The following SLC9A9 variants were observed in gnomAD, a reference collection of about 807,000 sequenced individuals.
The protein encoded by SLC9A9 is solute carrier family 9 member A9.
Under a neutral mutation model 77.8 loss-of-function variants are expected in SLC9A9, and 62 were observed. The observed-to-expected ratio is 0.80, with a 90% CI of 0.65 to 0.98. The LOEUF (loss-of-function observed/expected upper bound fraction) is 0.98. Ranked by LOEUF, SLC9A9 falls within the 50% of genes least tolerant of loss-of-function variation. The probability of loss-of-function intolerance (pLI) is 0.00; values close to 1 mark genes in which losing one functional copy is unlikely to be tolerated. For missense variants in SLC9A9, 775 were observed against 774.9 expected (o/e 1.00, Z 0.00); for synonymous variants, 320 against 283.5 (o/e 1.13, Z -1.29).
intron 4 of SLC9A9, among the ~76,000 whole-genome samples, chr3:143,725,413 T>G (rs374753298): frequency 2.1e-4 from 32 of 152,006 alleles, no homozygotes; most frequent in East Asian, 7.8e-4. Flanking sequence ...TATAAATCAT[T>G]CTGCTATAAA....
intron 2 of SLC9A9, among the ~76,000 whole-genome samples, chr3:143,816,039 C>T (rs1439428920): frequency 6.6e-6 from 1 of 152,150 alleles, no homozygotes; most frequent in Non-Finnish European, 1.5e-5. Flanking sequence ...CTTGACTTCA[C>T]CTCAAACAAG....
chr3:143,839,381 C>T (rs1361678066), intron 1 of SLC9A9, among the ~76,000 whole-genome samples: 1 of 152,124 alleles, frequency 6.6e-6, no homozygotes, highest in African/African-American at 2.4e-5. Context: ...CAAAGTTTCC[C>T]TCTTCTCACA....
At chr3:143,413,486 G>C (rs1307843649) in intron 12 of SLC9A9, among the ~76,000 whole-genome samples, 3 of 152,182 alleles carry the variant, frequency 2.0e-5, no homozygotes, top group East Asian at 1.9e-4. Flanking sequence ...TGGAAATGGT[G>C]GTGGGGCAGT....
intron 13 of SLC9A9, among the ~76,000 whole-genome samples, chr3:143,364,670 A>G (rs139376926): frequency 0.016 from 2,416 of 152,312 alleles, 31 homozygotes; most frequent in South Asian, 0.076. Context: ...GTGTACCAGT[A>G]GATGCTTCCG....
At chr3:143,305,382 G>A (rs1252340486) in intron 14 of SLC9A9, among the ~76,000 whole-genome samples, 2 of 152,136 alleles carry the variant, frequency 1.3e-5, no homozygotes, top group African/African-American at 4.8e-5. Flanking sequence ...AGTGATAGAA[G>A]GTAGATGATA....
intron 3 of SLC9A9, among the ~76,000 whole-genome samples, chr3:143,796,358 T>C (rs2008385039): frequency 6.6e-6 from 1 of 152,200 alleles, no homozygotes; most frequent in Non-Finnish European, 1.5e-5. Context: ...AATAGAAATA[T>C]AATGCAAGCC....
chr3:143,383,058 T>G (rs1273030854), intron 12 of SLC9A9, among the ~76,000 whole-genome samples: 1 of 152,252 alleles, frequency 6.6e-6, no homozygotes, highest in African/African-American at 2.4e-5. Context: ...CAATGCACAG[T>G]GTACTTATCA....
intron 9 of SLC9A9, among the ~76,000 whole-genome samples, chr3:143,522,782 G>A (rs1257968043): frequency 3.3e-5 from 5 of 152,012 alleles, no homozygotes; most frequent in African/African-American, 7.2e-5. Context: ...ACCTCATGCC[G>A]TTATAATCAG....
intron 4 of SLC9A9, among the ~76,000 whole-genome samples, chr3:143,720,689 C>G (rs927796139): frequency 2.0e-5 from 3 of 152,204 alleles, no homozygotes; most frequent in African/African-American, 7.2e-5. Flanking sequence ...CCAGCAATCT[C>G]TCTCAGCTGC....
In SLC9A9 at chr3:143,818,486, C is replaced by T. The variant is rs569512822; in HGVS notation, c.378+13533G>A. ...CACGCCCAGCTGATTTTTGTATTTT[C>T]AGTAGAGACTGGGTTTCACCATGTT... On this transcript the variant is annotated intron_variant, in intron 2 of 15. Transcript: ENST00000316549. 4.7e-3 allele frequency among the ~76,000 whole-genome samples: 714 copies of T among 151,996 alleles called. 9 individuals carry two copies. Among genetic ancestry groups the T allele is most frequent in the Non-Finnish European group, 2.8e-3 (191 of 67,974 alleles).
At chr3:143,696,089 T>G (rs1260598493) in intron 4 of SLC9A9, among the ~76,000 whole-genome samples, 2 of 152,232 alleles carry the variant, frequency 1.3e-5, no homozygotes. Flanking sequence ...TCTCCCATTC[T>G]GTAGGTTGCC....
intron 13 of SLC9A9, among the ~76,000 whole-genome samples, chr3:143,374,240 A>G (rs1043521000): frequency 2.0e-5 from 3 of 152,016 alleles, no homozygotes; most frequent in Admixed American, 2.0e-4. Flanking sequence ...CCTGGCTAAC[A>G]TGGTGAAACC....
intron 5 of SLC9A9, among the ~76,000 whole-genome samples, chr3:143,663,549 G>A (rs542576001): frequency 2.0e-5 from 3 of 152,236 alleles, no homozygotes; most frequent in Non-Finnish European, 2.9e-5. Flanking sequence ...AACCCATCAC[G>A]AAGAAGTTAA....
intron 14 of SLC9A9, among the ~76,000 whole-genome samples, chr3:143,322,835 A>G (rs1320767193): frequency 2.0e-5 from 3 of 152,208 alleles, no homozygotes; most frequent in Non-Finnish European, 4.4e-5. Flanking sequence ...TGTTTTACTT[A>G]CAGCCAACTG....
intron 5 of SLC9A9, among the ~76,000 whole-genome samples, chr3:143,665,453 A>C (rs970809773): frequency 8.5e-5 from 13 of 152,216 alleles, no homozygotes; most frequent in Admixed American, 5.9e-4. Context: ...AGCATACTCA[A>C]AAGCTAGCAG....
intron 12 of SLC9A9, among the ~76,000 whole-genome samples, chr3:143,444,189 T>C (rs575137911): frequency 3.9e-4 from 59 of 152,342 alleles, no homozygotes; most frequent in Non-Finnish European, 7.2e-4. Flanking sequence ...AAGAAGGAAA[T>C]GAAGCTCAAC....
chr3:143,427,111 C>G (rs1406161028), intron 12 of SLC9A9, among the ~76,000 whole-genome samples: 1 of 152,224 alleles, frequency 6.6e-6, no homozygotes, highest in Non-Finnish European at 1.5e-5. Flanking sequence ...ACTTTGTATG[C>G]TATCAGCACT....
chr3:143,568,973 A>G (rs1190208259), intron 8 of SLC9A9, among the ~76,000 whole-genome samples: 1 of 152,156 alleles, frequency 6.6e-6, no homozygotes, highest in East Asian at 1.9e-4. Flanking sequence ...ATACTTAACA[A>G]GAAATTTGTA....
chr3:143,719,318 A>C (rs938208284), intron 4 of SLC9A9, among the ~76,000 whole-genome samples: 1 of 152,168 alleles, frequency 6.6e-6, no homozygotes, highest in African/African-American at 2.4e-5. Flanking sequence ...CAGGGCACCA[A>C]ATGCACAGGC....
Sources: gnomAD v4.1 joint callset for allele counts (sites outside exome capture counted in the v4.1 genomes callset) on GRCh38, gnomAD v4.1.1 for gene constraint, MANE v1.5 for transcripts, NCBI Gene and HGNC (gene_info 2026-07-23, HGNC 2026-07-21) for gene names.